GRHL2: variants seen among roughly 807,000 people sequenced by gnomAD.
GRHL2 encodes grainyhead-like protein 2 homolog.
In GRHL2, 21 loss-of-function variants were observed where a neutral mutation model predicts 83.8. That is an observed-to-expected ratio of 0.25 (90% CI 0.18 to 0.36). The LOEUF is 0.36. GRHL2 is among the 10% of genes least tolerant of loss of function. GRHL2 has a pLI of 1.00. For synonymous variants in GRHL2, 280 were observed against 278.9 expected (o/e 1.00, Z -0.04); for missense variants, 623 against 781.8 (o/e 0.80, Z 2.42).
chr8:101,538,192 A>C (rs1395239978), intron 1 of GRHL2, among the ~76,000 whole-genome samples: 1 of 152,120 alleles, frequency 6.6e-6, no homozygotes, highest in East Asian at 1.9e-4. Flanking sequence ...GACGGGGAAA[A>C]TGTTATGTGT....
chr8:101,648,126 A>C (rs1813550325), intron 13 of GRHL2, among the ~76,000 whole-genome samples: 1 of 152,134 alleles, frequency 6.6e-6, no homozygotes, highest in South Asian at 2.1e-4. Flanking sequence ...AGTGGGGATG[A>C]GGGTGGCCTC....
chr8:101,599,217 T>C, intron 8 of GRHL2, 66 bp downstream of exon 8: 1 of 1,078,744 alleles, frequency 9.3e-7, no homozygotes, highest in African/African-American at 1.6e-5. Context: ...TTTATTCTTT[T>C]TTAAAAGCCT....
At chr8:101,648,645 G>A (rs1441479782) in intron 13 of GRHL2, among the ~76,000 whole-genome samples, 1 of 152,170 alleles carries the variant, frequency 6.6e-6, no homozygotes, top group African/African-American at 2.4e-5. Flanking sequence ...ACCCAGCCCC[G>A]TGGGACTCCA....
At chr8:101,509,092 T>G in intron 1 of GRHL2, among the ~76,000 whole-genome samples, 1 of 145,346 alleles carries the variant, frequency 6.9e-6, no homozygotes, top group African/African-American at 2.6e-5. Flanking sequence ...TGTTTTCCTT[T>G]CTTTCTTTCT....
chr8:101,511,789 A>G (rs750124113), intron 1 of GRHL2, among the ~76,000 whole-genome samples: 9 of 151,542 alleles, frequency 5.9e-5, no homozygotes, highest in Admixed American at 1.3e-4. Context: ...CTATCATTCT[A>G]TTTATTTTAT....
At chr8:101,551,242 A>C (rs1811373889) in intron 2 of GRHL2, among the ~76,000 whole-genome samples, 1 of 152,250 alleles carries the variant, frequency 6.6e-6, no homozygotes. Flanking sequence ...AACAAATATA[A>C]AGTACCAGAC....
intron 11 of GRHL2, 132 bp from the exon 12 acceptor site, chr8:101,636,765 A>T: frequency 1.3e-6 from 1 of 752,138 alleles, no homozygotes; most frequent in Non-Finnish European, 2.4e-6. Context: ...ACACACACAC[A>T]CTGTTATTAA....
At chr8:101,544,126 C>A (rs1316681373) in intron 2 of GRHL2, 1 of 152,598 alleles carries the variant, frequency 6.6e-6, no homozygotes, top group Non-Finnish European at 1.5e-5. Context: ...TGGGTGAGGA[C>A]ACAGAGCCAA....
intron 14 of GRHL2, among the ~76,000 whole-genome samples, chr8:101,655,187 A>G (rs1378315220): frequency 6.6e-6 from 1 of 150,390 alleles, no homozygotes; most frequent in Non-Finnish European, 1.5e-5. Context: ...CAATCCTAAA[A>G]AAAAAAAAAA....
chr8:101,654,945 G>C lies in GRHL2; in HGVS notation c.1698+5446G>C, dbSNP rs1240226137. On this transcript the variant is annotated intron_variant, in intron 14 of 15. Transcript: ENST00000646743. ...CACCTGTAATCCCAACACTTTGGGAGGTTGAGGCGGGCAGATCACCTGAGG... is the reference window on the plus strand; with the variant it reads ...CACCTGTAATCCCAACACTTTGGGACGTTGAGGCGGGCAGATCACCTGAGG... 2.0e-5 allele frequency among the ~76,000 whole-genome samples: 3 copies of C among 152,316 alleles called. No individual in the cohort carries two copies. The East Asian group carries it at 5.8e-4, about 29-fold the overall frequency.
chr8:101,633,526 C>G (rs1395235975), intron 11 of GRHL2, among the ~76,000 whole-genome samples: 3 of 152,178 alleles, frequency 2.0e-5, no homozygotes, highest in Non-Finnish European at 4.4e-5. Context: ...ATTCATGAGA[C>G]AGAGCAACTC....
At chr8:101,538,953 G>C (rs983071807) in intron 1 of GRHL2, among the ~76,000 whole-genome samples, 2 of 152,176 alleles carry the variant, frequency 1.3e-5, no homozygotes, top group Non-Finnish European at 2.9e-5. Flanking sequence ...CACTGATCAC[G>C]TAAGGATTCA....
intron 1 of GRHL2, among the ~76,000 whole-genome samples, chr8:101,514,794 G>T (rs1810535402): frequency 6.6e-6 from 1 of 152,122 alleles, no homozygotes; most frequent in Admixed American, 6.5e-5. Context: ...TTAGGATGGG[G>T]CTCTCTGTTT....
intron 1 of GRHL2, among the ~76,000 whole-genome samples, chr8:101,513,516 TGGA>T: frequency 6.8e-6 from 1 of 146,746 alleles, no homozygotes; most frequent in Admixed American, 6.8e-5. Flanking sequence ...TTTTTGGAGA[TGGA>T]GTTTTGCTCT....
chr8:101,592,782 T>C (rs1270161696), intron 7 of GRHL2, among the ~76,000 whole-genome samples: 1 of 152,196 alleles, frequency 6.6e-6, no homozygotes, highest in African/African-American at 2.4e-5. Flanking sequence ...AGAATTTCCA[T>C]GTGTTCCCAT....
chr8:101,576,201 GA>G (rs932030395), intron 6 of GRHL2, among the ~76,000 whole-genome samples: 2 of 152,102 alleles, frequency 1.3e-5, no homozygotes, highest in African/African-American at 4.8e-5. Context: ...CTACAAAGGA[GA>G]AAGTTGTTTT....
intron 14 of GRHL2, among the ~76,000 whole-genome samples, chr8:101,657,063 GTC>G (rs1384007163): frequency 0.014 from 2,180 of 152,280 alleles, 55 homozygotes; most frequent in African/African-American, 0.05. Context: ...CCCAGTTTTT[GTC>G]CAACTGTGTC....
chr8:101,638,753 A>G (rs950051111), intron 12 of GRHL2, among the ~76,000 whole-genome samples: 1 of 152,246 alleles, frequency 6.6e-6, no homozygotes, highest in African/African-American at 2.4e-5. Context: ...CACATAGATA[A>G]TACATTCCCA....
At chr8:101,671,816 C>T (rs545836940), downstream of GRHL2, among the ~76,000 whole-genome samples, 2 of 152,314 alleles carry the variant, frequency 1.3e-5, no homozygotes, top group Non-Finnish European at 1.5e-5. Context: ...TCTCATATGT[C>T]CGGGTACTCC....
Sources: gnomAD v4.1 joint callset for allele counts (sites outside exome capture counted in the v4.1 genomes callset) on GRCh38, gnomAD v4.1.1 for gene constraint, MANE v1.5 for transcripts, NCBI Gene and HGNC (gene_info 2026-07-23, HGNC 2026-07-21) for gene names.